SOBP: variants seen among roughly 807,000 people sequenced by gnomAD.
The protein encoded by SOBP is sine oculis binding protein homolog.
SOBP carries 4 observed loss-of-function variants against 53.6 expected under a neutral mutation model. The ratio of observed to expected loss-of-function variants is 0.07; its 90% CI spans 0.04 to 0.17. The LOEUF is 0.17. SOBP is among the 10% of genes least tolerant of loss of function. The pLI is 1.00. For missense variants in SOBP, 1,088 were observed against 1,204.7 expected, an observed-to-expected ratio of 0.90 and a Z score of 1.43; for synonymous variants, 584 against 522.6, an observed-to-expected ratio of 1.12 and a Z score of -1.60.
At chr6:107,606,133 G>A (rs563803911) in intron 5 of SOBP, among the ~76,000 whole-genome samples, 11 of 127,992 alleles carry the variant, frequency 8.6e-5, no homozygotes, top group Non-Finnish European at 1.5e-4. Flanking sequence ...CTGGAGTGTA[G>A]TAGCGCGATC....
intron 3 of SOBP, among the ~76,000 whole-genome samples, chr6:107,528,717 A>C (rs1562591750): frequency 1.3e-5 from 2 of 152,178 alleles, no homozygotes; most frequent in African/African-American, 4.8e-5. Context: ...TGTGCTGTGT[A>C]AGTTGCAAAA....
chr6:107,497,320 T>C, intron 1 of SOBP, among the ~76,000 whole-genome samples: 1 of 152,252 alleles, frequency 6.6e-6, no homozygotes, highest in East Asian at 1.9e-4. Flanking sequence ...GGATAATGGG[T>C]GTCAGAATGT....
chr6:107,566,578 G>A (rs1363162125), intron 4 of SOBP, among the ~76,000 whole-genome samples: 1 of 152,160 alleles, frequency 6.6e-6, no homozygotes, highest in Non-Finnish European at 1.5e-5. Flanking sequence ...TTCTCTCACG[G>A]TGTCTCTGAT....
rs746750430 is a variant in SOBP at position 107,634,729 on chromosome 6, A to AGCCCCCCGG, written c.1897_1905dup (p.Pro633_Gly635dup). 2,238 of 1,356,902 alleles carry AGCCCCCCGG rather than the reference A, an allele frequency of 1.6e-3. 30 individuals are homozygous for AGCCCCCCGG. In the African/African-American group the frequency reaches 0.031, roughly 19 times the overall value. 84.1% of individuals were successfully genotyped at this position (1,356,902 alleles called of 1,614,324 possible). On this transcript the variant is annotated inframe_insertion, in exon 6 of 7. Coordinates refer to ENST00000317357, the MANE Select transcript of SOBP (RefSeq NM_018013.4). The surrounding 1 kb of genome is among the most constrained non-coding windows in gnomAD (Gnocchi z 4.5). ...GGTGGACCTGACGCGGCGCGCCGGC[A>AGCCCCCCGG]GCCCCCCGGGCCCCCCGGGCGCGGG... is the stretch of plus-strand genomic sequence containing the variant.
intron 4 of SOBP, among the ~76,000 whole-genome samples, chr6:107,567,141 G>A (rs941633235): frequency 1.3e-5 from 2 of 152,032 alleles, no homozygotes; most frequent in Non-Finnish European, 2.9e-5. Context: ...CTTTTTTCCT[G>A]CATTTCTTAT....
chr6:107,503,210 A>G (rs1782889649), intron 1 of SOBP, among the ~76,000 whole-genome samples: 1 of 152,268 alleles, frequency 6.6e-6, no homozygotes, highest in South Asian at 2.1e-4. Context: ...GAGTTATCTT[A>G]AGAAAACAAC....
At chr6:107,629,791 A>G (rs1476782696) in intron 5 of SOBP, among the ~76,000 whole-genome samples, 1 of 152,218 alleles carries the variant, frequency 6.6e-6, no homozygotes, top group Non-Finnish European at 1.5e-5. Flanking sequence ...CCACCCAAAT[A>G]TAAATACTCT....
At chr6:107,636,249 G>T (rs943033652) in intron 6 of SOBP, 1 of 155,818 alleles carries the variant, frequency 6.4e-6, no homozygotes, top group Non-Finnish European at 1.4e-5. Flanking sequence ...CGATAGGGAA[G>T]AGGGTGGCAT....
chr6:107,655,955 G>C (rs1772014385), intron 6 of SOBP, among the ~76,000 whole-genome samples: 1 of 152,116 alleles, frequency 6.6e-6, no homozygotes, highest in Non-Finnish European at 1.5e-5. Context: ...ATTCAAAATG[G>C]CGGTGTTTCC....
intron 5 of SOBP, among the ~76,000 whole-genome samples, chr6:107,622,341 C>T (rs550187452): frequency 6.6e-6 from 1 of 152,164 alleles, no homozygotes; most frequent in Non-Finnish European, 1.5e-5. Context: ...TTAATCTCAT[C>T]AAGAAAACTT....
At chr6:107,543,296 G>A (rs1264385462) in intron 4 of SOBP, among the ~76,000 whole-genome samples, 1 of 152,168 alleles carries the variant, frequency 6.6e-6, no homozygotes, top group Admixed American at 6.5e-5. Flanking sequence ...AAGCTCCCCA[G>A]TGGTCATGGG....
chr6:107,540,216 A>G (rs1784112293), intron 4 of SOBP, among the ~76,000 whole-genome samples: 1 of 152,250 alleles, frequency 6.6e-6, no homozygotes, highest in Non-Finnish European at 1.5e-5. Context: ...GAGAGGCCCC[A>G]TGGGGGATCC....
intron 4 of SOBP, among the ~76,000 whole-genome samples, chr6:107,560,843 G>T (rs1229353218): frequency 1.3e-5 from 2 of 152,120 alleles, no homozygotes; most frequent in African/African-American, 4.8e-5. Flanking sequence ...TTCTCATCTT[G>T]TCTCCTATTG....
intron 1 of SOBP, among the ~76,000 whole-genome samples, chr6:107,493,299 C>G (rs1782622039): frequency 6.6e-6 from 1 of 152,016 alleles, no homozygotes; most frequent in Non-Finnish European, 1.5e-5. Context: ...AAACTAAGCC[C>G]TGGTAAGTAA....
intron 6 of SOBP, among the ~76,000 whole-genome samples, chr6:107,656,320 A>AC (rs1554193533): frequency 0.08 from 1,176 of 14,732 alleles, 4 homozygotes; most frequent in South Asian, 0.17. Context: ...AGAAAGAAAG[A>AC]AAGAAAGAAA....
chr6:107,618,008 T>C (rs1435364766), intron 5 of SOBP, among the ~76,000 whole-genome samples: 2 of 151,888 alleles, frequency 1.3e-5, no homozygotes, highest in Admixed American at 6.6e-5. Flanking sequence ...TTTGTATTTA[T>C]AGTAGAGATG....
intron 5 of SOBP, among the ~76,000 whole-genome samples, chr6:107,619,261 A>G (rs181584215): frequency 6.6e-6 from 1 of 152,350 alleles, no homozygotes; most frequent in African/African-American, 2.4e-5. Flanking sequence ...TCCTGGCCCC[A>G]TCTTATGCAT....
intron 5 of SOBP, among the ~76,000 whole-genome samples, chr6:107,625,988 A>T (rs2115127911): frequency 6.6e-6 from 1 of 152,258 alleles, no homozygotes; most frequent in South Asian, 2.1e-4. Flanking sequence ...CTTTTCTTAA[A>T]CTCTTATAGT....
chr6:107,564,739 G>C (rs948337540), intron 4 of SOBP, among the ~76,000 whole-genome samples: 1 of 152,212 alleles, frequency 6.6e-6, no homozygotes, highest in Non-Finnish European at 1.5e-5. Context: ...TTTTCAACTT[G>C]AAACTTCTGT....
Sources: gnomAD v4.1 joint callset for allele counts (sites outside exome capture counted in the v4.1 genomes callset) on GRCh38, gnomAD v4.1.1 for gene constraint, Gnocchi (gnomAD v3.1) non-coding constraint, MANE v1.5 for transcripts, NCBI Gene and HGNC (gene_info 2026-07-23, HGNC 2026-07-21) for gene names.